Variants in GGACT observed in about 807,000 individuals in gnomAD.
GGACT encodes the protein gamma-glutamylaminecyclotransferase.
For missense variants in GGACT, 241 were observed against 233.2 expected (o/e 1.03, Z -0.22); for synonymous variants, 118 against 115.3 (o/e 1.02, Z -0.15).
intron 2 of GGACT, among the ~76,000 whole-genome samples, chr13:100,541,331 T>C (rs1013150306): frequency 6.6e-6 from 1 of 152,192 alleles, no homozygotes; most frequent in Admixed American, 6.5e-5. Flanking sequence ...TGACTTGAGT[T>C]CCTGCCTCCA....
intron 2 of GGACT, among the ~76,000 whole-genome samples, chr13:100,564,680 T>C (rs1335511023): frequency 2.0e-5 from 3 of 152,210 alleles, no homozygotes; most frequent in Non-Finnish European, 4.4e-5. Context: ...ACTTTCATGA[T>C]TCAAGGTCGA....
At chr13:100,550,299 TACACAC>T (rs755235689) in intron 2 of GGACT, among the ~76,000 whole-genome samples, 2,490 of 26,674 alleles carry the variant, frequency 0.093, 176 homozygotes, top group East Asian at 0.14. Context: ...GATTATACTC[TACACAC>T]ACACACACAC....
chr13:100,588,186 A>T (rs1217346857), intron 1 of GGACT, among the ~76,000 whole-genome samples: 2 of 152,226 alleles, frequency 1.3e-5, no homozygotes, highest in East Asian at 3.8e-4. Context: ...AATGATAACC[A>T]TAATTAATAA....
Position 100,545,020 on chromosome 13 carries a change from C to T in GGACT, c.-10-12419G>A, listed in dbSNP as rs759830702. Among the ~76,000 whole-genome samples, 6 of 152,192 alleles carry T rather than the reference C, an allele frequency of 3.9e-5. No homozygotes were observed. The highest frequency in any genetic ancestry group is 8.8e-5 in the Non-Finnish European group (6 of 68,028). On this transcript the variant is annotated intron_variant, in intron 2 of 2. Coordinates refer to ENST00000683975, the MANE Select transcript of GGACT (RefSeq NM_001195087.2). The surrounding 1 kb of genome is among the most constrained non-coding windows in gnomAD (Gnocchi z 4.4). ...CTGGTGTGACACTCAGAAGGCGCAG[C>T]GGAGGCGGCAGCAGGAGGCAGAGCC...
chr13:100,573,819 A>T (rs1229253189), intron 2 of GGACT, among the ~76,000 whole-genome samples: 4 of 152,064 alleles, frequency 2.6e-5, no homozygotes, highest in African/African-American at 9.7e-5. Flanking sequence ...CTAATCAGAG[A>T]AATGAAAATC....
intron 2 of GGACT, among the ~76,000 whole-genome samples, chr13:100,565,475 G>A (rs1322242101): frequency 1.6e-4 from 24 of 152,170 alleles, no homozygotes; most frequent in Admixed American, 1.6e-3. Flanking sequence ...TGGTGCTGGT[G>A]ACACCAGGTG....
In GGACT at chr13:100,545,156, G is replaced by A. The variant is rs950326644; in HGVS notation, c.-10-12555C>T. Among the ~76,000 whole-genome samples, 2 of 152,214 alleles carry A rather than the reference G, an allele frequency of 1.3e-5. No homozygotes were observed. The highest frequency in any genetic ancestry group is 6.5e-5 in the Admixed American group (1 of 15,286). On this transcript the variant is annotated intron_variant, in intron 2 of 2. Transcript: ENST00000683975. This position sits in a 1 kb window ranked among gnomAD's most constrained non-coding sequence, Gnocchi z 4.4. Reference sequence around the variant, plus strand: ...CCTCAGGAACCTGGCTCCACTTGCCGGACCTACCTGTGGCTCACGGGGGAT... The same window carrying A: ...CCTCAGGAACCTGGCTCCACTTGCCAGACCTACCTGTGGCTCACGGGGGAT...
rs1875491731 is a variant in GGACT at position 100,583,975 on chromosome 13, G to C, written c.-161C>G. On this transcript the variant is annotated 5_prime_UTR_variant, in exon 2 of 3. Transcript: ENST00000683975. Reference sequence around the variant, plus strand: ...ACAGGGTGACCAGAAAGTCCATGGGGACCAAATATCCAGTTTTCAGTCCTG... The same window carrying C: ...ACAGGGTGACCAGAAAGTCCATGGGCACCAAATATCCAGTTTTCAGTCCTG... The C allele has an allele frequency of 6.6e-6, 1 of 152,162 alleles. No individual in the cohort carries two copies. The highest frequency in any genetic ancestry group is 1.5e-5 in the Non-Finnish European group (1 of 68,032). 9.4% of individuals were successfully genotyped at this position (152,162 alleles called of 1,614,324 possible). A position where few individuals can be genotyped will look rare whatever the true frequency, so the allele number is the denominator to read the frequency against.
intron 2 of GGACT, among the ~76,000 whole-genome samples, chr13:100,570,986 C>G (rs1341927258): frequency 1.3e-5 from 2 of 151,960 alleles, no homozygotes; most frequent in African/African-American, 4.8e-5. Flanking sequence ...AAAACGACCC[C>G]CTATGAGGAC....
rs777846621 is a variant in GGACT at position 100,533,170 on chromosome 13, C to G, written c.-10-569G>C. On this transcript the variant is annotated intron_variant, in intron 2 of 2. Coordinates refer to ENST00000683975, the MANE Select transcript of GGACT (RefSeq NM_001195087.2). ...CTTCCACCCTTCCCAACTCCTACCCCCATCGTAGCAGCTCAAGGCCAGAAG... is the reference window on the plus strand; with the variant it reads ...CTTCCACCCTTCCCAACTCCTACCCGCATCGTAGCAGCTCAAGGCCAGAAG... 1.9e-5 allele frequency: 3 copies of G among 159,454 alleles called. No homozygotes were observed. In the East Asian group the frequency reaches 5.5e-4, roughly 29 times the overall value. 9.9% of individuals were successfully genotyped at this position (159,454 alleles called of 1,614,324 possible).
chr13:100,550,355 C>CACACACACACCA, intron 2 of GGACT, among the ~76,000 whole-genome samples: 1 of 122,532 alleles, frequency 8.2e-6, no homozygotes, highest in African/African-American at 3.5e-5. Context: ...CACACACACA[C>CACACACACACCA]CACTGGCCCT....
chr13:100,552,969 C>T (rs1476769619), intron 2 of GGACT, among the ~76,000 whole-genome samples: 2 of 151,346 alleles, frequency 1.3e-5, no homozygotes, highest in African/African-American at 4.9e-5. Context: ...CAGGAGCAGG[C>T]AGGCCAGGTG....
Position 100,532,417 on chromosome 13 carries a change from A to G in GGACT, c.175T>C (p.Ser59Pro), listed in dbSNP as rs547897856. The G allele has an allele frequency of 1.4e-5, 21 of 1,549,900 alleles. No homozygotes were observed. Among genetic ancestry groups the G allele is most frequent in the African/African-American group, 2.7e-5 (2 of 73,012 alleles). ...NIPWLLHLPG[S>P]GRLVEGEVYA... ...ACCTCGCCCTCCACGAGGCGCCCCG[A>G]GCCGGGCAGGTGCAGCAGCCACGGG... The change falls in exon 3 of 3, where the codon TCG (serine) becomes CCG (proline). Residue 59 changes from serine (S) to proline (P), a missense_variant. Transcript: ENST00000683975.
intron 2 of GGACT, chr13:100,536,912 T>G (rs2153012509): frequency 6.5e-6 from 1 of 152,796 alleles, no homozygotes; most frequent in Middle Eastern, 3.4e-3. Context: ...CTGCACCTTG[T>G]GCACACTCCC....
Position 100,545,599 on chromosome 13 carries a change from G to T in GGACT, c.-10-12998C>A, listed in dbSNP as rs1164279583. Among the ~76,000 whole-genome samples, 1 of 152,264 alleles carries T rather than the reference G, an allele frequency of 6.6e-6. No homozygotes were observed. The highest frequency in any genetic ancestry group is 6.5e-5 in the Admixed American group (1 of 15,284). On this transcript the variant is annotated intron_variant, in intron 2 of 2. Transcript: ENST00000683975. The surrounding 1 kb of genome is among the most constrained non-coding windows in gnomAD (Gnocchi z 4.4). ...CCTGGGCTGCCTGCCTGCCTGGCAT[G>T]TGCCATGGAACTGGCACTCAGAAGC...
rs1285226621 is a variant in GGACT at position 100,555,477 on chromosome 13, C to G, written c.-10-22876G>C. Among the ~76,000 whole-genome samples the G allele has an allele frequency of 2.0e-5, 3 of 152,216 alleles. No homozygotes were observed. The East Asian group carries it at 5.8e-4, about 30-fold the overall frequency. On this transcript the variant is annotated intron_variant, in intron 2 of 2. Transcript: ENST00000683975. ...CCCAGGAGGTCGAGGCTGCAGTGAG[C>G]TGTGATTGTGCCATTGTACTCCAGC...
At chr13:100,562,073 G>A (rs1182080957) in intron 2 of GGACT, among the ~76,000 whole-genome samples, 1 of 152,168 alleles carries the variant, frequency 6.6e-6, no homozygotes, top group Non-Finnish European at 1.5e-5. Flanking sequence ...GCCTCACTGG[G>A]GTTTAGGTGC....
Position 100,534,603 on chromosome 13 carries a change from CGAT to C in GGACT, c.-10-2005_-10-2003del, listed in dbSNP as rs2088464182. Among the ~76,000 whole-genome samples, 1 of 152,046 alleles carries C rather than the reference CGAT, an allele frequency of 6.6e-6. No individual in the cohort carries two copies. Among genetic ancestry groups the C allele is most frequent in the South Asian group, 2.1e-4 (1 of 4,810 alleles). ...TCCCAAAAGACGAGCACCTGGGGGG[CGAT>C]GATGGTTTGGATCCTGCTGTGCAGC... On this transcript the variant is annotated intron_variant, in intron 2 of 2. Transcript: ENST00000683975. The surrounding 1 kb of genome is among the most constrained non-coding windows in gnomAD (Gnocchi z 4.9).
At chr13:100,587,503 A>T (rs939743752) in intron 1 of GGACT, among the ~76,000 whole-genome samples, 2 of 152,232 alleles carry the variant, frequency 1.3e-5, no homozygotes, top group Admixed American at 6.5e-5. Context: ...TCTTCTGGGA[A>T]TAGTTTCAGG....
Sources: gnomAD v4.1 joint callset for allele counts (sites outside exome capture counted in the v4.1 genomes callset) on GRCh38, gnomAD v4.1.1 for gene constraint, Gnocchi (gnomAD v3.1) non-coding constraint, MANE v1.5 for transcripts, NCBI Gene and HGNC (gene_info 2026-07-23, HGNC 2026-07-21) for gene names.